Variants in TBCD observed in about 807,000 individuals in gnomAD.
TBCD encodes tubulin-specific chaperone D.
A neutral mutation model predicts 169.3 loss-of-function variants in TBCD; 105 were observed. That is an observed-to-expected ratio of 0.62 (90% CI 0.53 to 0.73). The LOEUF is 0.73. Ranked by LOEUF, TBCD falls within the 30% of genes least tolerant of loss-of-function variation. TBCD has a pLI of 0.00. For missense variants in TBCD, 1,444 were observed against 1,600.1 expected, an observed-to-expected ratio of 0.90 and a Z score of 1.66; for synonymous variants, 700 against 643.9, an observed-to-expected ratio of 1.09 and a Z score of -1.32.
intron 6 of TBCD, among the ~76,000 whole-genome samples, chr17:82,776,461 A>G (rs1036838798): frequency 6.6e-6 from 1 of 152,178 alleles, no homozygotes; most frequent in East Asian, 1.9e-4. Flanking sequence ...ATATATAGGT[A>G]ATTCTTATAC....
At chr17:82,801,923 G>T (rs546379986) in intron 9 of TBCD, among the ~76,000 whole-genome samples, 1 of 149,538 alleles carries the variant, frequency 6.7e-6, no homozygotes, top group African/African-American at 2.5e-5. Flanking sequence ...CGTGTGTGTC[G>T]TCGTGTGGCT....
At chr17:82,752,594 C>T (rs1233411470) in intron 1 of TBCD, among the ~76,000 whole-genome samples, 1 of 152,070 alleles carries the variant, frequency 6.6e-6, no homozygotes, top group Admixed American at 6.5e-5. Context: ...GCGCGCCTCC[C>T]TTGGGGGGAC....
chr17:82,788,302 G>A (rs2049453625), intron 7 of TBCD, among the ~76,000 whole-genome samples: 1 of 152,150 alleles, frequency 6.6e-6, no homozygotes, highest in Non-Finnish European at 1.5e-5. Flanking sequence ...CTGATTGATA[G>A]TTGTGCTCTC....
chr17:82,792,649 G>A (rs183654840), intron 7 of TBCD, among the ~76,000 whole-genome samples: 131 of 152,328 alleles, frequency 8.6e-4, no homozygotes, highest in African/African-American at 3.0e-3. Context: ...CGGTGCTGGG[G>A]TGTGGAGCTG....
intron 22 of TBCD, among the ~76,000 whole-genome samples, chr17:82,910,283 C>T (rs546470259): frequency 3.3e-5 from 5 of 152,334 alleles, no homozygotes; most frequent in South Asian, 2.1e-4. Context: ...CGGCTCTGAA[C>T]GTGGGCCCTC....
At chr17:82,910,181 G>A (rs1298454138) in intron 22 of TBCD, among the ~76,000 whole-genome samples, 7 of 152,244 alleles carry the variant, frequency 4.6e-5, no homozygotes, top group African/African-American at 1.7e-4. Context: ...ATCGCAGGGT[G>A]TGGGGCACAT....
At chr17:82,867,115 C>A (rs74000114) in intron 13 of TBCD, among the ~76,000 whole-genome samples, 11 of 152,190 alleles carry the variant, frequency 7.2e-5, no homozygotes, top group Admixed American at 6.5e-5. Flanking sequence ...AACCTGGGCT[C>A]CCCTACCGAG....
intron 13 of TBCD, among the ~76,000 whole-genome samples, chr17:82,863,698 C>G (rs1435341168): frequency 6.6e-6 from 1 of 152,164 alleles, no homozygotes; most frequent in African/African-American, 2.4e-5. Flanking sequence ...GGCGCCTTCC[C>G]TGGTCTCAGA....
At chr17:82,805,004 G>A (rs776041778) in intron 9 of TBCD, among the ~76,000 whole-genome samples, 2 of 152,260 alleles carry the variant, frequency 1.3e-5, no homozygotes, top group Admixed American at 6.5e-5. Context: ...GGCTACAGCC[G>A]CAGCAGCTGC....
At chr17:82,780,086 C>G (rs1236064116) in intron 6 of TBCD, among the ~76,000 whole-genome samples, 3 of 152,036 alleles carry the variant, frequency 2.0e-5, no homozygotes, top group African/African-American at 7.3e-5. Context: ...AGTACTGGTC[C>G]TGTCCCCAGC....
chr17:82,763,611 C>T (rs866655330), intron 2 of TBCD, among the ~76,000 whole-genome samples: 1 of 152,030 alleles, frequency 6.6e-6, no homozygotes, highest in South Asian at 2.1e-4. Flanking sequence ...CGTGGTGACG[C>T]GTGCCTGTAA....
intron 2 of TBCD, among the ~76,000 whole-genome samples, chr17:82,757,106 T>C (rs1283547729): frequency 6.6e-6 from 1 of 152,162 alleles, no homozygotes; most frequent in Non-Finnish European, 1.5e-5. Flanking sequence ...AAGGTGGCAA[T>C]AGTCACCACG....
intron 13 of TBCD, among the ~76,000 whole-genome samples, chr17:82,819,839 C>T (rs1287812298): frequency 3.3e-5 from 5 of 152,274 alleles, no homozygotes; most frequent in Non-Finnish European, 5.9e-5. Context: ...CCTCTTTGAA[C>T]ACCTCTGTTG....
chr17:82,809,497 C>G (rs966398796), intron 11 of TBCD, among the ~76,000 whole-genome samples: 3 of 152,184 alleles, frequency 2.0e-5, no homozygotes, highest in Non-Finnish European at 2.9e-5. Flanking sequence ...TGTGCTCACT[C>G]GTCCCCTTTG....
intron 13 of TBCD, chr17:82,830,706 G>A: frequency 6.2e-7 from 1 of 1,614,130 alleles, no homozygotes; most frequent in Non-Finnish European, 8.5e-7. Context: ...TTTCCGCCTG[G>A]GGGCTGCCTT....
chr17:82,804,055 G>C (rs3791171), intron 9 of TBCD, among the ~76,000 whole-genome samples: 39,212 of 115,306 alleles, frequency 0.34, 7,909 homozygotes, highest in Middle Eastern at 0.43. Context: ...GGGGGCCGGG[G>C]TGCACCTGCC....
chr17:82,863,431 C>T (rs537541344), intron 13 of TBCD, among the ~76,000 whole-genome samples: 325 of 152,320 alleles, frequency 2.1e-3, no homozygotes, highest in African/African-American at 7.0e-3. Context: ...GAAAGCTCTC[C>T]GAGAGCGACG....
chr17:82,881,940 C>A (rs992259088), intron 14 of TBCD, among the ~76,000 whole-genome samples: 1 of 152,064 alleles, frequency 6.6e-6, no homozygotes, highest in Non-Finnish European at 1.5e-5. Context: ...CTCCCTCCCT[C>A]CCTCCTAGGC....
At chr17:82,753,696 G>T (rs2047241534) in intron 1 of TBCD, among the ~76,000 whole-genome samples, 1 of 150,952 alleles carries the variant, frequency 6.6e-6, no homozygotes, top group Non-Finnish European at 1.5e-5. Flanking sequence ...TCAAGTGGTC[G>T]CCCGACTCAG....
Sources: gnomAD v4.1 joint callset for allele counts (sites outside exome capture counted in the v4.1 genomes callset) on GRCh38, gnomAD v4.1.1 for gene constraint, MANE v1.5 for transcripts, NCBI Gene and HGNC (gene_info 2026-07-23, HGNC 2026-07-21) for gene names.